The following PLEKHG4B variants were observed in gnomAD, a reference collection of about 807,000 sequenced individuals.
PLEKHG4B encodes pleckstrin homology domain-containing family G member 4B.
A neutral mutation model predicts 121.3 loss-of-function variants in PLEKHG4B; 111 were observed. The observed-to-expected ratio is 0.92, with a 90% confidence interval of 0.78 to 1.07. The LOEUF is 1.07. Ranked by LOEUF, PLEKHG4B falls within the 50% of genes least tolerant of loss-of-function variation. The pLI is 0.00. For synonymous variants in PLEKHG4B, 738 were observed against 725.0 expected (o/e 1.02, Z -0.29); for missense variants, 1,831 against 1,757.8 (o/e 1.04, Z -0.74).
rs774296287 is a variant in PLEKHG4B at position 162,942 on chromosome 5, C to T, written c.2870C>T (p.Ala957Val). 8 of 1,555,946 alleles carry T rather than the reference C, an allele frequency of 5.1e-6. No homozygotes were observed. Among genetic ancestry groups the T allele is most frequent in the South Asian group, 3.6e-5 (3 of 83,030 alleles). The change falls in exon 13 of 20, where the codon GCC (alanine) becomes GTC (valine). Residue 957 changes from alanine to valine, a missense_variant. Physicochemically the swap from Ala to Val is moderately conservative, Grantham distance 64. Coordinates refer to ENST00000637938, the MANE Select transcript of PLEKHG4B (RefSeq NM_052909.5). Reference protein sequence around the residue: ...YPQTRLRLEEALSEAAPDPSL... With the variant: ...YPQTRLRLEEVLSEAAPDPSL... The stretch of plus-strand genomic sequence containing the variant: ...CAGACCCGGCTCCGTCTGGAAGAGG[C>T]CCTTTCTGAGGCTGCCCCAGACCCC...
In PLEKHG4B at chr5:171,063, C is replaced by G; in HGVS notation, c.3750C>G (p.Tyr1250Ter). Reference protein sequence around the residue: ...FLRHEEQFGMYVIYSKNKPQS... With the variant: ...FLRHEEQFGM The stretch of plus-strand genomic sequence containing the variant: ...TCCAGGAAGAGCAGTTTGGGATGTA[C>G]GTGATCTACAGCAAAAACAAGCCGC... Residue 1250 changes from tyrosine (Y) to a stop codon, truncating the protein, a stop_gained, in exon 15 of 20, where the codon TAC becomes TAG. Coordinates refer to ENST00000637938, the MANE Select transcript of PLEKHG4B (RefSeq NM_052909.5). LOFTEE classifies it high-confidence loss of function. 2 of 1,612,706 alleles carry G rather than the reference C, an allele frequency of 1.2e-6. No homozygotes were observed. Among genetic ancestry groups the G allele is most frequent in the Non-Finnish European group, 1.7e-6 (2 of 1,179,624 alleles).
Position 164,505 on chromosome 5 carries a change from G to A in PLEKHG4B, c.3476+957G>A, listed in dbSNP as rs1436258395. 8.1e-5 allele frequency among the ~76,000 whole-genome samples: 8 copies of A among 98,808 alleles called. 2 individuals carry two copies. The highest frequency in any genetic ancestry group is 1.9e-4 in the Admixed American group (2 of 10,776). The allele number at this position is 98,808 out of a possible 152,430, so 64.8% of individuals were successfully genotyped here. On this transcript the variant is annotated intron_variant, in intron 13 of 19. Transcript: ENST00000637938. ...AGCTCACACTAATGCTCTGACAGGG[G>A]GCGGAGCTCACACAGTAATGCTGTG...
At chr5:175,404 C>T (rs1258896593) in intron 18 of PLEKHG4B, among the ~76,000 whole-genome samples, 1 of 152,120 alleles carries the variant, frequency 6.6e-6, no homozygotes, top group African/African-American at 2.4e-5. Context: ...CAGCAACCAC[C>T]CCCCACCCCA....
chr5:115,116 A>C (rs191391399), intron 2 of PLEKHG4B, among the ~76,000 whole-genome samples: 312 of 152,372 alleles, frequency 2.0e-3, no homozygotes, highest in African/African-American at 7.0e-3. Flanking sequence ...AAAGACTTGA[A>C]AGTCAAAATT....
intron 1 of PLEKHG4B, among the ~76,000 whole-genome samples, chr5:95,568 C>A (rs887210058): frequency 2.0e-5 from 3 of 152,216 alleles, no homozygotes; most frequent in African/African-American, 4.8e-5. Flanking sequence ...TCCTTCCTCT[C>A]TGGTAAAGCC....
In PLEKHG4B at chr5:188,823, T is replaced by C. The variant is rs1733706012; in HGVS notation, c.*6500T>C. ...TTGGAACCAGAGGCAGGCTCAGCGA[T>C]GCTCTCCATCCGGCCTGGCCCCACC... On this transcript the variant is annotated 3_prime_UTR_variant, in exon 20 of 20. Coordinates refer to ENST00000637938, the MANE Select transcript of PLEKHG4B (RefSeq NM_052909.5). The C allele has an allele frequency of 6.6e-6, 1 of 152,262 alleles. No individual in the cohort carries two copies. Among genetic ancestry groups the C allele is most frequent in the African/African-American group, 2.4e-5 (1 of 41,460 alleles). 9.4% of individuals were successfully genotyped at this position (152,262 alleles called of 1,614,324 possible).
chr5:96,184 G>A (rs1733622762), intron 1 of PLEKHG4B, among the ~76,000 whole-genome samples: 1 of 152,202 alleles, frequency 6.6e-6, no homozygotes, highest in Non-Finnish European at 1.5e-5. Context: ...GTGAGAGGGA[G>A]GGGAAGGCCC....
chr5:142,698 C>G (rs762009354), intron 3 of PLEKHG4B, among the ~76,000 whole-genome samples: 1 of 152,070 alleles, frequency 6.6e-6, no homozygotes, highest in East Asian at 1.9e-4. Context: ...GTTACACATA[C>G]CACACATGCA....
At position 184,991 on chromosome 5, in the gene PLEKHG4B, C is replaced by T. The variant is rs529984490; in HGVS notation, c.*2668C>T. 3 of 152,192 alleles carry T rather than the reference C, an allele frequency of 2.0e-5. No individual in the cohort carries two copies. The highest frequency in any genetic ancestry group is 7.2e-5 in the African/African-American group (3 of 41,438). The allele number at this position is 152,192 out of a possible 1,614,324, so 9.4% of individuals were successfully genotyped here. On this transcript the variant is annotated 3_prime_UTR_variant, in exon 20 of 20. Transcript: ENST00000637938. The stretch of plus-strand genomic sequence containing the variant: ...TGGCTGGGAGACGCTGGATGTGATA[C>T]GTGAAGTGAGGGGTATCACTTGAAG...
At position 184,898 on chromosome 5, in the gene PLEKHG4B, C is replaced by T. The variant is rs1313722359; in HGVS notation, c.*2575C>T. 1.3e-5 allele frequency: 2 copies of T among 152,158 alleles called. No homozygotes were observed. The highest frequency in any genetic ancestry group is 2.9e-5 in the Non-Finnish European group (2 of 68,030). 9.4% of individuals were successfully genotyped at this position (152,158 alleles called of 1,614,324 possible). On this transcript the variant is annotated 3_prime_UTR_variant, in exon 20 of 20. Coordinates refer to ENST00000637938, the MANE Select transcript of PLEKHG4B (RefSeq NM_052909.5). ...AATAAAAGTTAACTGACTGTTTAAACAAAAGTATTAACGTATCTGCGGTTT... is the reference window on the plus strand; with the variant it reads ...AATAAAAGTTAACTGACTGTTTAAATAAAAGTATTAACGTATCTGCGGTTT...
intron 9 of PLEKHG4B, 22 bp downstream of exon 9, chr5:155,465 T>A: frequency 6.3e-7 from 1 of 1,586,166 alleles, no homozygotes; most frequent in Non-Finnish European, 8.7e-7. Context: ...GACTTGCAGG[T>A]AAGTTCATTT....
In PLEKHG4B at chr5:98,425, C is replaced by CTTTTTTTTT. The variant is rs55733931; in HGVS notation, c.45+6169_45+6177dup. ...GTCAGTACCACATTGTTTACTGTAG[C>CTTTTTTTTT]TTTTTTTTTTTTTTTTTTTTTTTTT... On this transcript the variant is annotated intron_variant, in intron 1 of 19. Transcript: ENST00000637938. 8.5e-5 allele frequency among the ~76,000 whole-genome samples: 4 copies of CTTTTTTTTT among 46,828 alleles called. 1 individual carries two copies. The highest frequency in any genetic ancestry group is 1.8e-4 in the African/African-American group (2 of 11,200). 30.7% of individuals were successfully genotyped at this position (46,828 alleles called of 152,430 possible). A position where few individuals can be genotyped will look rare whatever the true frequency, so the allele number is the denominator to read the frequency against.
At chr5:149,603 A>T (rs992615522) in intron 6 of PLEKHG4B, among the ~76,000 whole-genome samples, 2 of 152,204 alleles carry the variant, frequency 1.3e-5, no homozygotes, top group African/African-American at 4.8e-5. Context: ...AATGGGGGGA[A>T]ATTTTGGCAA....
chr5:145,022 C>T (rs1191125304), intron 6 of PLEKHG4B, 102 bp downstream of exon 6: 18 of 1,098,226 alleles, frequency 1.6e-5, no homozygotes, highest in Non-Finnish European at 2.2e-5. Flanking sequence ...AGTCCACAGG[C>T]TTAGTGTGAA....
At chr5:164,511 G>T (rs1442754405) in intron 13 of PLEKHG4B, among the ~76,000 whole-genome samples, 2 of 97,172 alleles carry the variant, frequency 2.1e-5, no homozygotes, top group Non-Finnish European at 4.2e-5. Context: ...AGGGGGCGGA[G>T]CTCACACAGT....
In PLEKHG4B at chr5:163,229, C is replaced by A. The variant is rs746560170; in HGVS notation, c.3157C>A (p.Leu1053Met). 4.4e-6 allele frequency: 7 copies of A among 1,605,778 alleles called. No individual in the cohort carries two copies. In the South Asian group the frequency reaches 6.7e-5, roughly 15 times the overall value. The change falls in exon 13 of 20, where the codon CTG (leucine) becomes ATG (methionine). Residue 1053 changes from leucine (L) to methionine (M), a missense_variant. Physicochemically the swap from Leu to Met is conservative, Grantham distance 15. Transcript: ENST00000637938. ...AGGGGCAGGGGCCACCACGGCCCAC[C>A]TGGAGGACAGCTCTGCCTGTTCCTC... is the stretch of plus-strand genomic sequence containing the variant. The part of the protein sequence containing the change: ...LPGAGATTAH[L>M]EDSSACSSEP...
At chr5:92,798 G>A (rs1284752955) in intron 1 of PLEKHG4B, among the ~76,000 whole-genome samples, 1 of 152,132 alleles carries the variant, frequency 6.6e-6, no homozygotes, top group African/African-American at 2.4e-5. Context: ...GCTCAAACCG[G>A]TGGGACAGAA....
chr5:174,038 A>G lies in PLEKHG4B; in HGVS notation c.4342A>G (p.Lys1448Glu), dbSNP rs749716831. The change falls in exon 18 of 20, where the codon AAG (lysine) becomes GAG (glutamate). Residue 1448 changes from lysine to glutamate, a missense_variant. Physicochemically the swap from Lys to Glu is moderately conservative, Grantham distance 56 (BLOSUM62 1). Coordinates refer to ENST00000637938, the MANE Select transcript of PLEKHG4B (RefSeq NM_052909.5). ...TCTCCAAGCAAGCTCGGCAGAGGTCAAGAGTGCATGGACCGATGTCATAGG... is the reference window on the plus strand; with the variant it reads ...TCTCCAAGCAAGCTCGGCAGAGGTCGAGAGTGCATGGACCGATGTCATAGG... ...YILQASSAEV[K>E]SAWTDVIGRI... 1.3e-5 allele frequency: 21 copies of G among 1,604,678 alleles called. No homozygotes were observed. Among genetic ancestry groups the G allele is most frequent in the Non-Finnish European group, 1.7e-5 (20 of 1,176,232 alleles).
rs569721735 is a variant in PLEKHG4B, at chr5:96,863, GA to G, written c.45+4596del. ...GGAGAGCAACAGTTCCAACAAATGA[GA>G]AAAAAAAATTAGCACAATTTCCACA... On this transcript the variant is annotated intron_variant, in intron 1 of 19. Transcript: ENST00000637938. Among the ~76,000 whole-genome samples the G allele has an allele frequency of 7.3e-3, 1,103 of 151,584 alleles. 8 individuals are homozygous for G. The highest frequency in any genetic ancestry group is 0.025 in the African/African-American group (1,034 of 41,360).
Sources: allele counts gnomAD v4.1 joint callset (sites outside exome capture counted in the v4.1 genomes callset), GRCh38; gene constraint gnomAD v4.1.1; transcripts MANE v1.5; gene names NCBI Gene and HGNC (gene_info 2026-07-23, HGNC 2026-07-21).